Variants in PHF24 observed in about 807,000 individuals in gnomAD.
PHF24 encodes PHD finger protein 24, also known as Galpha inhibitory interacting protein.
PHF24 carries 25 observed loss-of-function variants against 42.6 expected under a neutral mutation model. The ratio of observed to expected loss-of-function variants is 0.59; its 90% CI spans 0.43 to 0.82. PHF24 has a LOEUF of 0.82. PHF24 is among the 40% of genes least tolerant of loss of function. PHF24 has a pLI of 0.00. For synonymous variants in PHF24, 185 were observed against 204.8 expected, an observed-to-expected ratio of 0.90 and a Z score of 0.83; for missense variants, 470 against 538.1, an observed-to-expected ratio of 0.87 and a Z score of 1.25.
At chr9:34,933,364 A>G in the PHF24 span, among the ~76,000 whole-genome samples, 1 of 152,184 alleles carries the variant, frequency 6.6e-6, no homozygotes, top group African/African-American at 2.4e-5. Context: ...GCTGGGCACT[A>G]TGCTAAGCAC....
At chr9:34,843,048 G>T in the PHF24 span, among the ~76,000 whole-genome samples, 8 of 152,002 alleles carry the variant, frequency 5.3e-5, no homozygotes, top group Non-Finnish European at 7.4e-5. Flanking sequence ...TTTTCCTATT[G>T]TGTTAATTTT....
chr9:34,878,070 G>A, the PHF24 span, among the ~76,000 whole-genome samples: 1 of 152,074 alleles, frequency 6.6e-6, no homozygotes, highest in South Asian at 2.1e-4. Flanking sequence ...TAATAATAAT[G>A]TATCAATATT....
intron 1 of PHF24, among the ~76,000 whole-genome samples, chr9:34,969,654 CA>C (rs1258258272): frequency 6.7e-6 from 1 of 149,140 alleles, no homozygotes. Context: ...AAAAAAAAAC[CA>C]AAAAAACAAA....
At chr9:34,845,693 C>T in the PHF24 span, among the ~76,000 whole-genome samples, 4 of 151,580 alleles carry the variant, frequency 2.6e-5, no homozygotes, top group Admixed American at 1.3e-4. Context: ...TGGTGTGCTG[C>T]ACCCATTAAC....
In PHF24 at chr9:34,958,710, T is replaced by C. The variant is rs1826482244; in HGVS notation, c.-5+309T>C. 6.6e-6 allele frequency among the ~76,000 whole-genome samples: 1 copy of C among 152,082 alleles called. No individual in the cohort carries two copies. Reference sequence around the variant, plus strand: ...CCCAGAGAGCCCTTCTGTGTCACTGTGGGAGCAGGCACAAGGGTGGTCTCT... The same window carrying C: ...CCCAGAGAGCCCTTCTGTGTCACTGCGGGAGCAGGCACAAGGGTGGTCTCT... On this transcript the variant is annotated intron_variant, in intron 1 of 7. Coordinates refer to ENST00000242315, the Ensembl canonical transcript of PHF24. This position sits in a 1 kb window ranked among gnomAD's most constrained non-coding sequence, Gnocchi z 4.5.
the PHF24 span, chr9:34,893,134 C>T: frequency 4.2e-6 from 3 of 719,740 alleles, no homozygotes; most frequent in Non-Finnish European, 6.3e-6. Context: ...CACTTCCTTC[C>T]TGAGGAAGCC....
the PHF24 span, among the ~76,000 whole-genome samples, chr9:34,740,924 C>T: frequency 1.6e-3 from 237 of 151,206 alleles, 2 homozygotes; most frequent in Admixed American, 2.9e-3. Flanking sequence ...CCACTCTTGT[C>T]GCCCAGATTG....
chr9:34,737,061 C>T, the PHF24 span, among the ~76,000 whole-genome samples: 2 of 152,128 alleles, frequency 1.3e-5, no homozygotes, highest in Non-Finnish European at 2.9e-5. Flanking sequence ...GTCATAAATT[C>T]ACCATTGAAC....
At chr9:34,902,771 T>C in the PHF24 span, among the ~76,000 whole-genome samples, 7 of 152,358 alleles carry the variant, frequency 4.6e-5, no homozygotes, top group Admixed American at 1.3e-4. Flanking sequence ...ATTTTATTCC[T>C]ATCTATGACA....
the PHF24 span, among the ~76,000 whole-genome samples, chr9:34,943,995 A>G: frequency 1.3e-5 from 2 of 152,218 alleles, no homozygotes; most frequent in East Asian, 3.8e-4. Context: ...GACATAATCA[A>G]CTGGTATGTT....
chr9:34,707,469 TCATTTAAGGAA>T, the PHF24 span, among the ~76,000 whole-genome samples: 2 of 152,236 alleles, frequency 1.3e-5, no homozygotes, highest in Non-Finnish European at 2.9e-5. Flanking sequence ...GGAATTAAGT[TCATTTAAGGAA>T]CATTTCAAAA....
At chr9:34,703,473 AT>A in the PHF24 span, among the ~76,000 whole-genome samples, 3 of 152,000 alleles carry the variant, frequency 2.0e-5, no homozygotes, top group Non-Finnish European at 2.9e-5. Context: ...CCAGCCCATT[AT>A]TTTTAATTTT....
At chr9:34,971,063 C>A (rs911810092) in intron 1 of PHF24, among the ~76,000 whole-genome samples, 1 of 151,960 alleles carries the variant, frequency 6.6e-6, no homozygotes, top group Non-Finnish European at 1.5e-5. Flanking sequence ...AGAGCCTGGG[C>A]AACATAGTAA....
the PHF24 span, among the ~76,000 whole-genome samples, chr9:34,804,203 G>T: frequency 5.9e-5 from 9 of 152,140 alleles, no homozygotes; most frequent in African/African-American, 2.2e-4. Flanking sequence ...TGTTTGAATT[G>T]GGTTTCTGTC....
the PHF24 span, among the ~76,000 whole-genome samples, chr9:34,769,747 A>G: frequency 1.3e-5 from 2 of 152,230 alleles, no homozygotes; most frequent in Non-Finnish European, 2.9e-5. Flanking sequence ...CAAAATATCC[A>G]GGAATAGAGC....
At chr9:34,927,462 A>G in the PHF24 span, among the ~76,000 whole-genome samples, 2 of 152,082 alleles carry the variant, frequency 1.3e-5, no homozygotes, top group African/African-American at 4.8e-5. Flanking sequence ...GGGAGTGCAC[A>G]CCTTGCTCTC....
At chr9:34,776,293 A>G in the PHF24 span, among the ~76,000 whole-genome samples, 1 of 152,202 alleles carries the variant, frequency 6.6e-6, no homozygotes, top group Non-Finnish European at 1.5e-5. Context: ...ATTACATGCC[A>G]CTGTTTCCAC....
the PHF24 span, among the ~76,000 whole-genome samples, chr9:34,738,162 A>G: frequency 2.0e-5 from 3 of 152,134 alleles, no homozygotes; most frequent in Non-Finnish European, 4.4e-5. Context: ...CACCAGCATT[A>G]TCTGACCGCC....
At chr9:34,795,038 G>T in the PHF24 span, among the ~76,000 whole-genome samples, 136,760 of 152,136 alleles carry the variant, frequency 0.9, 62,481 homozygotes, top group Non-Finnish European at 0.99. Flanking sequence ...AATAACTAAA[G>T]GTTGAAAAAT....
Sources: gnomAD v4.1 joint callset for allele counts (sites outside exome capture counted in the v4.1 genomes callset) on GRCh38, gnomAD v4.1.1 for gene constraint, Gnocchi (gnomAD v3.1) non-coding constraint, MANE v1.5 for transcripts, NCBI Gene and HGNC (gene_info 2026-07-23, HGNC 2026-07-21) for gene names.